PTBP2: variants seen among roughly 807,000 people sequenced by gnomAD.
PTBP2 encodes polypyrimidine tract binding protein 2.
In PTBP2, 13 loss-of-function variants were observed where a neutral mutation model predicts 61.4. The ratio of observed to expected loss-of-function variants is 0.21; its 90% CI spans 0.14 to 0.34. PTBP2 has a LOEUF of 0.34. PTBP2 is among the 10% of genes least tolerant of loss of function. The probability of loss-of-function intolerance (pLI) is 1.00; values close to 1 mark genes in which losing one functional copy is unlikely to be tolerated. For synonymous variants in PTBP2, 215 were observed against 218.5 expected, an observed-to-expected ratio of 0.98 and a Z score of 0.14; for missense variants, 405 against 642.6, an observed-to-expected ratio of 0.63 and a Z score of 4.00.
At chr1:96,752,079 T>A (rs1654621479) in intron 3 of PTBP2, among the ~76,000 whole-genome samples, 1 of 152,100 alleles carries the variant, frequency 6.6e-6, no homozygotes. Context: ...GAAATAATGT[T>A]GTTTGTAGCA....
chr1:96,818,435 G>A (rs935689942), downstream of PTBP2: 4 of 152,132 alleles, frequency 2.6e-5, no homozygotes, highest in African/African-American at 9.6e-5. Context: ...GCATATATTT[G>A]TGTTGTTTTA....
chr1:96,770,679 A>G (rs767524183), intron 4 of PTBP2, 29 bp from the exon 5 acceptor site: 1 of 1,571,332 alleles, frequency 6.4e-7, no homozygotes, highest in South Asian at 1.1e-5. Flanking sequence ...AATTTATAGT[A>G]TTAAAAATTG....
intron 2 of PTBP2, among the ~76,000 whole-genome samples, chr1:96,734,903 C>CTTT (rs369053938): frequency 1.6e-5 from 2 of 124,964 alleles, no homozygotes; most frequent in African/African-American, 3.1e-5. Context: ...CTTTTTTTTT[C>CTTT]TTTTTTTTTT....
At chr1:96,816,700 T>G (rs1432732985), downstream of PTBP2, 3 of 152,178 alleles carry the variant, frequency 2.0e-5, no homozygotes, top group Non-Finnish European at 4.4e-5. Context: ...AATTCATTCA[T>G]GTACATCTAT....
chr1:96,801,183 A>T (rs188086909), intron 8 of PTBP2, among the ~76,000 whole-genome samples: 23 of 152,206 alleles, frequency 1.5e-4, no homozygotes, highest in Admixed American at 8.5e-4. Flanking sequence ...TTTTCCTGAG[A>T]TTTCAGGAGG....
At chr1:96,796,838 G>C (rs1041172685) in intron 8 of PTBP2, among the ~76,000 whole-genome samples, 1 of 151,942 alleles carries the variant, frequency 6.6e-6, no homozygotes, top group South Asian at 2.1e-4. Context: ...AGTGGGTTTA[G>C]TGGTTGTGTG....
At chr1:96,762,348 C>T (rs1303932426) in intron 3 of PTBP2, among the ~76,000 whole-genome samples, 1 of 150,864 alleles carries the variant, frequency 6.6e-6, no homozygotes, top group Non-Finnish European at 1.5e-5. Flanking sequence ...GGCAGCCGGG[C>T]AGAGGCGCCC....
intron 2 of PTBP2, among the ~76,000 whole-genome samples, chr1:96,747,526 A>AT (rs1481860071): frequency 1.3e-5 from 2 of 151,850 alleles, no homozygotes; most frequent in Admixed American, 6.6e-5. Flanking sequence ...ATCTGGTTTC[A>AT]TTTTTTTGCC....
chr1:96,737,209 G>A (rs1652339881), intron 2 of PTBP2, among the ~76,000 whole-genome samples: 1 of 151,776 alleles, frequency 6.6e-6, no homozygotes, highest in African/African-American at 2.4e-5. Context: ...CTCCTGATCT[G>A]CCCACCCTGG....
At chr1:96,753,873 C>T (rs1409957258) in intron 3 of PTBP2, among the ~76,000 whole-genome samples, 1 of 152,048 alleles carries the variant, frequency 6.6e-6, no homozygotes, top group Non-Finnish European at 1.5e-5. Flanking sequence ...CTGTTGAATA[C>T]AGTGATTAAA....
At chr1:96,723,616 A>C (rs202229496) in intron 2 of PTBP2, 22 bp downstream of exon 2, 1 of 1,555,986 alleles carries the variant, frequency 6.4e-7, no homozygotes, top group East Asian at 2.3e-5. Flanking sequence ...CTATGTTTGA[A>C]ACTGGGATTG....
intron 4 of PTBP2, 85 bp downstream of exon 4, chr1:96,769,960 G>A: frequency 9.0e-7 from 1 of 1,107,782 alleles, no homozygotes; most frequent in Non-Finnish European, 1.2e-6. Flanking sequence ...GAAAATAGTA[G>A]GTTATTTTTC....
chr1:96,785,532 G>A (rs1327039854), intron 8 of PTBP2, among the ~76,000 whole-genome samples: 1 of 152,138 alleles, frequency 6.6e-6, no homozygotes, highest in African/African-American at 2.4e-5. Flanking sequence ...AAGCTCTAAT[G>A]AAGAAATACT....
At chr1:96,782,337 T>G in intron 7 of PTBP2, among the ~76,000 whole-genome samples, 1 of 152,024 alleles carries the variant, frequency 6.6e-6, no homozygotes. Flanking sequence ...GATAAAACAT[T>G]TGCAGCAGTA....
chr1:96,764,760 A>C (rs538993274), intron 3 of PTBP2, among the ~76,000 whole-genome samples: 62 of 152,344 alleles, frequency 4.1e-4, no homozygotes, highest in African/African-American at 1.3e-3. Context: ...TCTTGCATAT[A>C]AAGGTAGTGA....
At chr1:96,755,368 ATG>A (rs1048724843) in intron 3 of PTBP2, among the ~76,000 whole-genome samples, 11 of 152,334 alleles carry the variant, frequency 7.2e-5, no homozygotes, top group Admixed American at 3.9e-4. Flanking sequence ...GTTGGGAAGA[ATG>A]TGGAAGAATG....
intron 11 of PTBP2, among the ~76,000 whole-genome samples, chr1:96,810,189 C>G: frequency 6.6e-6 from 1 of 152,082 alleles, no homozygotes; most frequent in East Asian, 1.9e-4. Flanking sequence ...TACATTAAAT[C>G]AAAAATGTCA....
At chr1:96,758,308 G>T (rs1557716633) in intron 3 of PTBP2, among the ~76,000 whole-genome samples, 3 of 151,900 alleles carry the variant, frequency 2.0e-5, no homozygotes. Flanking sequence ...GATTACTCTA[G>T]TCATAGATGG....
chr1:96,797,948 T>C (rs562873080), intron 8 of PTBP2, among the ~76,000 whole-genome samples: 29 of 151,210 alleles, frequency 1.9e-4, no homozygotes, highest in Non-Finnish European at 3.1e-4. Context: ...TGGTGGTGGG[T>C]GCCTGTAGTC....
Sources: allele counts gnomAD v4.1 joint callset (sites outside exome capture counted in the v4.1 genomes callset), GRCh38; gene constraint gnomAD v4.1.1; transcripts MANE v1.5; gene names NCBI Gene and HGNC (gene_info 2026-07-23, HGNC 2026-07-21).